UGP2: variants seen among roughly 807,000 people sequenced by gnomAD.
UGP2 encodes the protein UDP-glucose pyrophosphorylase 2.
Under a neutral mutation model 49.0 loss-of-function variants are expected in UGP2, and 40 were observed. The ratio of observed to expected loss-of-function variants is 0.82; its 90% CI spans 0.63 to 1.06. The LOEUF is 1.06. Ranked by LOEUF, UGP2 falls within the 50% of genes least tolerant of loss-of-function variation. The pLI is 0.00. For synonymous variants in UGP2, 225 were observed against 213.0 expected, an observed-to-expected ratio of 1.06 and a Z score of -0.49; for missense variants, 460 against 603.5, an observed-to-expected ratio of 0.76 and a Z score of 2.49.
At chr2:63,887,759 CCT>C (rs1335037911) in intron 8 of UGP2, 115 bp downstream of exon 8, 21 of 1,359,840 alleles carry the variant, frequency 1.5e-5, no homozygotes, top group African/African-American at 2.9e-5. Context: ...CTGTTGTATT[CCT>C]CTGTCTTTGA....
At chr2:63,878,372 A>G (rs545312791) in intron 3 of UGP2, among the ~76,000 whole-genome samples, 1 of 152,342 alleles carries the variant, frequency 6.6e-6, no homozygotes, top group South Asian at 2.1e-4. Flanking sequence ...TGATAATTGC[A>G]TAACACTTTT....
chr2:63,874,277 T>C (rs1390982023), intron 3 of UGP2, among the ~76,000 whole-genome samples: 9 of 152,152 alleles, frequency 5.9e-5, no homozygotes, highest in Non-Finnish European at 8.8e-5. Context: ...CATGCTCAAA[T>C]TCTTTTTTAA....
intron 3 of UGP2, among the ~76,000 whole-genome samples, chr2:63,881,810 A>G (rs555956748): frequency 6.6e-6 from 1 of 152,328 alleles, no homozygotes; most frequent in South Asian, 2.1e-4. Context: ...GGCATTTCTT[A>G]GAACAGTGAC....
intron 1 of UGP2, among the ~76,000 whole-genome samples, chr2:63,852,149 A>G (rs913730823): frequency 7.9e-5 from 12 of 152,198 alleles, no homozygotes; most frequent in African/African-American, 2.7e-4. Flanking sequence ...GCATTGGGGC[A>G]GGGAGTTGGT....
intron 9 of UGP2, among the ~76,000 whole-genome samples, chr2:63,890,821 G>C: frequency 6.6e-6 from 1 of 151,842 alleles, no homozygotes; most frequent in African/African-American, 2.4e-5. Context: ...GATAATGCTG[G>C]TGGCCTTGCA....
intron 1 of UGP2, among the ~76,000 whole-genome samples, chr2:63,848,657 C>T (rs1454855636): frequency 4.6e-5 from 7 of 152,232 alleles, no homozygotes; most frequent in African/African-American, 1.7e-4. Flanking sequence ...CCACTGCGCC[C>T]AGCCAATTCT....
intron 3 of UGP2, among the ~76,000 whole-genome samples, chr2:63,874,053 C>T (rs1355876889): frequency 1.3e-5 from 2 of 152,190 alleles, no homozygotes; most frequent in Non-Finnish European, 2.9e-5. Context: ...TCTTTTAATT[C>T]ACTTCTAGTT....
intron 3 of UGP2, among the ~76,000 whole-genome samples, chr2:63,864,338 C>G (rs1431236655): frequency 6.6e-6 from 1 of 152,156 alleles, no homozygotes; most frequent in African/African-American, 2.4e-5. Context: ...TCTTTGGTAT[C>G]CTGTAGTAAC....
intron 7 of UGP2, among the ~76,000 whole-genome samples, chr2:63,887,079 C>T (rs1422312777): frequency 2.0e-5 from 3 of 152,156 alleles, no homozygotes; most frequent in African/African-American, 7.2e-5. Context: ...ACCTGGCCAA[C>T]ATAGTGAAAC....
intron 3 of UGP2, among the ~76,000 whole-genome samples, chr2:63,881,140 A>G (rs1470090286): frequency 1.3e-5 from 2 of 152,200 alleles, no homozygotes; most frequent in Non-Finnish European, 2.9e-5. Flanking sequence ...GGCAGTTAAC[A>G]TAGTATATTG....
chr2:63,890,085 A>C lies in UGP2; in HGVS notation c.1319A>C (p.Gln440Pro). Reference sequence around the variant, plus strand: ...ATGTTTCTCCTTTTCTGTAAGGTTCAAGATTATCTAAGAAGATTTGAAAGT... The same window carrying C: ...ATGTTTCTCCTTTTCTGTAAGGTTCCAGATTATCTAAGAAGATTTGAAAGT... ...VKLGSSFTKV[Q>P]DYLRRFESIP... The change falls in exon 9 of 10, where the codon CAA becomes CCA. Residue 440 changes from glutamine (Q) to proline (P), a missense_variant. By Grantham distance (76) the Gln-to-Pro change is moderately conservative. Transcript: ENST00000337130. The C allele has an allele frequency of 1.2e-6, 2 of 1,607,082 alleles. No homozygotes were observed. The highest frequency in any genetic ancestry group is 1.1e-5 in the South Asian group (1 of 89,848).
chr2:63,845,519 TAAAA>T (rs11392263), intron 1 of UGP2, among the ~76,000 whole-genome samples: 2 of 139,484 alleles, frequency 1.4e-5, no homozygotes, highest in East Asian at 2.1e-4. Context: ...GTTATTATGT[TAAAA>T]AAAAAAAAAA....
intron 3 of UGP2, among the ~76,000 whole-genome samples, chr2:63,867,703 T>A (rs1344700661): frequency 5.9e-5 from 9 of 152,258 alleles, no homozygotes; most frequent in Admixed American, 5.9e-4. Context: ...CTTAATTTGA[T>A]GTATGTTTCA....
At chr2:63,885,547 C>T (rs1558961755) in intron 5 of UGP2, 42 bp from the exon 6 acceptor site, 2 of 1,464,128 alleles carry the variant, frequency 1.4e-6, no homozygotes, top group Non-Finnish European at 1.8e-6. Context: ...CTGAAATGCT[C>T]TACAGGGTCA....
intron 3 of UGP2, among the ~76,000 whole-genome samples, chr2:63,879,034 C>G (rs1015045674): frequency 3.3e-5 from 5 of 150,468 alleles, no homozygotes; most frequent in Non-Finnish European, 7.4e-5. Context: ...CCTGTTAGTA[C>G]TTTTTCTTGA....
chr2:63,840,999 G>T (rs1473064477), upstream of UGP2: 1 of 152,330 alleles, frequency 6.6e-6, no homozygotes, highest in African/African-American at 2.4e-5. Flanking sequence ...AATGGAGGGG[G>T]AGGGGAGGTG....
chr2:63,888,141 ATGCCTGGGGAGG>A (rs1429445793), intron 8 of UGP2: 1 of 154,818 alleles, frequency 6.5e-6, no homozygotes, highest in Non-Finnish European at 1.4e-5. Flanking sequence ...AGAATAGGGA[ATGCCTGGGGAGG>A]TGGCGGGGTG....
chr2:63,890,422 C>T (rs547699309), intron 9 of UGP2, among the ~76,000 whole-genome samples: 3 of 152,046 alleles, frequency 2.0e-5, no homozygotes, highest in Admixed American at 6.5e-5. Flanking sequence ...TGAATATAAC[C>T]TATTAAAGGA....
At chr2:63,850,165 G>A (rs1273259736) in intron 1 of UGP2, among the ~76,000 whole-genome samples, 3 of 152,100 alleles carry the variant, frequency 2.0e-5, no homozygotes, top group African/African-American at 7.2e-5. Flanking sequence ...AATTTTAATT[G>A]TTAATCAGAA....
Sources: gnomAD v4.1 joint callset for allele counts (sites outside exome capture counted in the v4.1 genomes callset) on GRCh38, gnomAD v4.1.1 for gene constraint, MANE v1.5 for transcripts, NCBI Gene and HGNC (gene_info 2026-07-23, HGNC 2026-07-21) for gene names.